The following THSD7A variants were observed in gnomAD, a reference collection of about 807,000 sequenced individuals.
The protein encoded by THSD7A is thrombospondin type 1 domain containing 7A.
Under a neutral mutation model 231.3 loss-of-function variants are expected in THSD7A, and 96 were observed. That is an observed-to-expected ratio of 0.41 (90% CI 0.35 to 0.49). THSD7A has a LOEUF of 0.49. Ranked by LOEUF, THSD7A falls within the 20% of genes least tolerant of loss-of-function variation. THSD7A has a pLI of 0.05. For missense variants in THSD7A, 2,290 were observed against 2,070.2 expected (o/e 1.11, Z -2.06); for synonymous variants, 940 against 743.3 (o/e 1.26, Z -4.30).
chr7:11,567,114 A>G (rs1377808233), intron 4 of THSD7A, among the ~76,000 whole-genome samples: 1 of 152,080 alleles, frequency 6.6e-6, no homozygotes, highest in East Asian at 1.9e-4. Context: ...TATCCCATGT[A>G]TTATTCCTTT....
chr7:11,575,257 A>G (rs1470056219), intron 4 of THSD7A, among the ~76,000 whole-genome samples: 2 of 152,212 alleles, frequency 1.3e-5, no homozygotes, highest in African/African-American at 4.8e-5. Context: ...ACTAGAAAGC[A>G]AAATTGCTTT....
At chr7:11,386,910 G>C (rs1029236370) in intron 23 of THSD7A, among the ~76,000 whole-genome samples, 2 of 152,180 alleles carry the variant, frequency 1.3e-5, no homozygotes, top group Non-Finnish European at 2.9e-5. Flanking sequence ...AAGGGGTCCA[G>C]TTTCAGTTTT....
intron 11 of THSD7A, among the ~76,000 whole-genome samples, chr7:11,451,898 T>C (rs528266345): frequency 6.6e-6 from 1 of 152,160 alleles, no homozygotes; most frequent in East Asian, 1.9e-4. Flanking sequence ...CTCAGTGAAT[T>C]ACCCTTCAGC....
chr7:11,397,182 A>T (rs1202109964), intron 23 of THSD7A, among the ~76,000 whole-genome samples: 1 of 152,214 alleles, frequency 6.6e-6, no homozygotes, highest in African/African-American at 2.4e-5. Flanking sequence ...GGGCTACAGT[A>T]ACCAAAACAG....
At chr7:11,617,426 T>C (rs1210075915) in intron 2 of THSD7A, among the ~76,000 whole-genome samples, 2 of 152,234 alleles carry the variant, frequency 1.3e-5, no homozygotes, top group African/African-American at 2.4e-5. Flanking sequence ...TATTTGTATG[T>C]ATGTATGTAT....
At chr7:11,817,935 T>C (rs1217640544) in intron 1 of THSD7A, among the ~76,000 whole-genome samples, 1 of 152,234 alleles carries the variant, frequency 6.6e-6, no homozygotes, top group Admixed American at 6.5e-5. Flanking sequence ...AACTAGTTAT[T>C]GATTAGGTGC....
intron 12 of THSD7A, 45 bp downstream of exon 12, chr7:11,447,185 C>T (rs1338832414): frequency 3.2e-6 from 5 of 1,575,634 alleles, no homozygotes; most frequent in Admixed American, 1.7e-5. Flanking sequence ...TATTATGTTC[C>T]TCTACTTTGA....
At chr7:11,690,262 C>T (rs1030771450) in intron 1 of THSD7A, among the ~76,000 whole-genome samples, 6 of 151,640 alleles carry the variant, frequency 4.0e-5, no homozygotes, top group Admixed American at 2.6e-4. Context: ...CATGTATTTT[C>T]GAAGTGTTTT....
At chr7:11,620,020 A>G (rs17164893) in intron 2 of THSD7A, among the ~76,000 whole-genome samples, 6,918 of 152,258 alleles carry the variant, frequency 0.045, 484 homozygotes, top group African/African-American at 0.15. Flanking sequence ...TCAGATAAAA[A>G]GAATAAGTTG....
At chr7:11,472,915 T>C (rs1352784975) in intron 8 of THSD7A, among the ~76,000 whole-genome samples, 1 of 152,174 alleles carries the variant, frequency 6.6e-6, no homozygotes, top group Admixed American at 6.6e-5. Context: ...TTGTTCTTGA[T>C]CCAGCAAGAG....
chr7:11,498,165 C>A (rs1412741419), intron 6 of THSD7A, among the ~76,000 whole-genome samples: 1 of 152,140 alleles, frequency 6.6e-6, no homozygotes, highest in African/African-American at 2.4e-5. Context: ...TGGGGCTGAT[C>A]CATAACAGCC....
intron 6 of THSD7A, among the ~76,000 whole-genome samples, chr7:11,506,061 A>G (rs1787530633): frequency 6.6e-6 from 1 of 152,204 alleles, no homozygotes; most frequent in Admixed American, 6.5e-5. Flanking sequence ...TGAAGCAGGA[A>G]TGAAGCAGCA....
intron 1 of THSD7A, among the ~76,000 whole-genome samples, chr7:11,805,724 G>A (rs1037278168): frequency 6.6e-6 from 1 of 151,902 alleles, no homozygotes. Context: ...ACAAATACAT[G>A]CAATTTTAAA....
chr7:11,521,081 TCAC>T (rs1788242044), intron 6 of THSD7A, among the ~76,000 whole-genome samples: 1 of 152,290 alleles, frequency 6.6e-6, no homozygotes, highest in East Asian at 1.9e-4. Flanking sequence ...TTTAAAAACA[TCAC>T]CAATCAGCCT....
chr7:11,465,204 T>G (rs142583114), intron 9 of THSD7A, among the ~76,000 whole-genome samples: 1 of 152,218 alleles, frequency 6.6e-6, no homozygotes, highest in South Asian at 2.1e-4. Context: ...TCTTCTCAAC[T>G]GGATTATTAG....
chr7:11,560,563 G>A (rs1790034455), intron 4 of THSD7A, among the ~76,000 whole-genome samples: 1 of 152,104 alleles, frequency 6.6e-6, no homozygotes, highest in Non-Finnish European at 1.5e-5. Flanking sequence ...TCTCCTTCCA[G>A]TTTTTTCGCC....
Position 11,634,195 on chromosome 7 carries a change from A to C in THSD7A, c.1022+1935T>G, listed in dbSNP as rs1304391487. On this transcript the variant is annotated intron_variant, in intron 2 of 27. Transcript: ENST00000423059. This position sits in a 1 kb window ranked among gnomAD's most constrained non-coding sequence, Gnocchi z 4.1. The stretch of plus-strand genomic sequence containing the variant: ...TAACCTATACTGTAATAAGTCAGAA[A>C]ATATATGCAACTATCAATTTATTGG... Among the ~76,000 whole-genome samples the C allele has an allele frequency of 2.0e-5, 3 of 152,194 alleles. No homozygotes were observed. The East Asian group carries it at 5.8e-4, about 29-fold the overall frequency.
At chr7:11,600,141 CT>C (rs1229685406) in intron 2 of THSD7A, among the ~76,000 whole-genome samples, 3 of 151,844 alleles carry the variant, frequency 2.0e-5, no homozygotes. Context: ...AGTTCTGTCC[CT>C]CTAGAGAATC....
Position 11,831,794 on chromosome 7 carries a change from G to A in THSD7A, c.153C>T (p.Gly51=), listed in dbSNP as rs199733492. ...GATAGAGGGTGGGCGCCTCCGCCTC[G>A]CCCTGCGCCGCAGCCCTGCCGGCGC... is the stretch of plus-strand genomic sequence containing the variant. The part of the protein sequence containing the change: ...RPGAGRAAAQ[G]EAEAPTLYLW... The change falls in exon 1 of 28, where the codon GGC becomes GGT. Residue 51 remains glycine (G), a synonymous_variant. Coordinates refer to ENST00000423059, the MANE Select transcript of THSD7A (RefSeq NM_015204.3). The surrounding 1 kb of genome is among the most constrained non-coding windows in gnomAD (Gnocchi z 5.0). 2.1e-5 allele frequency: 31 copies of A among 1,471,876 alleles called. No individual in the cohort carries two copies. Among genetic ancestry groups the A allele is most frequent in the Non-Finnish European group, 2.5e-5 (28 of 1,108,362 alleles). The allele number at this position is 1,471,876 out of a possible 1,614,324, so 91.2% of individuals were successfully genotyped here.
Sources: allele counts gnomAD v4.1 joint callset (sites outside exome capture counted in the v4.1 genomes callset), GRCh38; gene constraint gnomAD v4.1.1; non-coding constraint Gnocchi (gnomAD v3.1); transcripts MANE v1.5; gene names NCBI Gene and HGNC (gene_info 2026-07-23, HGNC 2026-07-21).